The following MPP4 variants were observed in gnomAD, a reference collection of about 807,000 sequenced individuals.
MPP4 encodes MAGUK p55 subfamily member 4.
A neutral mutation model predicts 98.3 loss-of-function variants in MPP4; 91 were observed. That is an observed-to-expected ratio of 0.93 (90% CI 0.78 to 1.10). The LOEUF is 1.10. Ranked by LOEUF, MPP4 falls within the 50% of genes least tolerant of loss-of-function variation. The pLI, the probability that MPP4 is intolerant of heterozygous loss-of-function variation, is 0.00. For missense variants in MPP4, 744 were observed against 792.9 expected, an observed-to-expected ratio of 0.94 and a Z score of 0.74; for synonymous variants, 261 against 271.8, an observed-to-expected ratio of 0.96 and a Z score of 0.39.
chr2:201,650,315 T>C, intron 18 of MPP4, 150 bp from the exon 19 acceptor site: 1 of 1,409,400 alleles, frequency 7.1e-7, no homozygotes, highest in East Asian at 2.7e-5. Flanking sequence ...AAGCCTGAAT[T>C]GGTGATAAGT....
In MPP4 at chr2:201,649,801, G is replaced by A. The variant is rs1423540780; in HGVS notation, c.1476-117C>T. The A allele has an allele frequency of 2.7e-5, 20 of 732,758 alleles. No homozygotes were observed. The East Asian group carries it at 5.4e-4, about 20-fold the overall frequency. 45.4% of individuals were successfully genotyped at this position (732,758 alleles called of 1,614,324 possible). A position where few individuals can be genotyped will look rare whatever the true frequency, so the allele number is the denominator to read the frequency against. ...TAAATATGTGGACTTTATTAACACA[G>A]AAAGAATGAATAGATATTCAAGAGG... is the stretch of plus-strand genomic sequence containing the variant. On this transcript the variant is annotated intron_variant, in intron 19 of 21. Coordinates refer to ENST00000409474, the MANE Select transcript of MPP4 (RefSeq NM_033066.3).
chr2:201,679,893 T>G (rs1688619830), intron 10 of MPP4, among the ~76,000 whole-genome samples: 2 of 152,210 alleles, frequency 1.3e-5, no homozygotes, highest in Non-Finnish European at 2.9e-5. Flanking sequence ...ACTTCTCCAC[T>G]GAAATTGCTC....
chr2:201,650,814 T>G (rs1687694629), intron 18 of MPP4: 1 of 985,290 alleles, frequency 1.0e-6, no homozygotes, highest in Non-Finnish European at 1.2e-6. Flanking sequence ...TTTAGGGATC[T>G]CTAGGAGGGA....
At chr2:201,695,256 A>G (rs1391474410) in intron 1 of MPP4, among the ~76,000 whole-genome samples, 3 of 152,170 alleles carry the variant, frequency 2.0e-5, no homozygotes, top group Admixed American at 2.0e-4. Flanking sequence ...ATTTCGGCCA[A>G]CAGGGTAGGG....
At chr2:201,653,652 T>C (rs1687779389) in intron 18 of MPP4, among the ~76,000 whole-genome samples, 1 of 152,222 alleles carries the variant, frequency 6.6e-6, no homozygotes, top group African/African-American at 2.4e-5. Context: ...TTCTATTTTG[T>C]TGAAATCAGG....
rs1688646757 is a variant in MPP4 at position 201,680,921 on chromosome 2, A to G, written c.846T>C (p.Asn282=). 6.2e-7 allele frequency: 1 copy of G among 1,613,748 alleles called. No individual in the cohort carries two copies. Among genetic ancestry groups the G allele is most frequent in the African/African-American group, 1.3e-5 (1 of 74,916 alleles). ...TTCGGGCCTGCCACCAGAGGGCATC[A>G]TTCTGGTCCACAATCTGGAGGATGT... The part of the protein sequence containing the change: ...KGDILQIVDQ[N]DALWWQARKI... Residue 282 remains asparagine, a synonymous_variant, in exon 10 of 22, where the codon AAT becomes AAC. Transcript: ENST00000409474.
At position 201,650,084 on chromosome 2, in the gene MPP4, A is replaced by G. The variant is rs763924815; in HGVS notation, c.1463T>C (p.Ile488Thr). The G allele has an allele frequency of 1.3e-6, 2 of 1,572,684 alleles. No homozygotes were observed. Among genetic ancestry groups the G allele is most frequent in the South Asian group, 1.2e-5 (1 of 85,236 alleles). The change falls in exon 19 of 22, where the codon ATA (isoleucine) becomes ACA (threonine). Residue 488 changes from isoleucine (I) to threonine (T), a missense_variant. Ile to Thr is a moderately conservative substitution (Grantham distance 89). Transcript: ENST00000409474. ...YVSKETFENL[I>T]YSHRMLEYGE... is the part of the protein sequence containing the mutation. ...ACCTCTACTTTACCTGTGACTATAT[A>G]TGAGGTTTTCAAATGTTTCCTTGGA...
rs113238787 is a variant in MPP4, at chr2:201,668,449, T to TTTCTCTTCTCTTCTCTTCTC, written c.1012+1264_1012+1283dup. Among the ~76,000 whole-genome samples, 66 of 149,868 alleles carry TTTCTCTTCTCTTCTCTTCTC rather than the reference T, an allele frequency of 4.4e-4. 1 individual carries two copies. Among genetic ancestry groups the TTTCTCTTCTCTTCTCTTCTC allele is most frequent in the African/African-American group, 1.5e-3 (61 of 39,798 alleles). On this transcript the variant is annotated intron_variant, in intron 12 of 21. Transcript: ENST00000409474. ...CATCAGATCAATCGATCTCTCTCTC[T>TTTCTCTTCTCTTCTCTTCTC]TTCTCTTCTCTTCTCTTCTCTTCTC...
chr2:201,649,472 G>T, intron 20 of MPP4, 104 bp downstream of exon 20: 1 of 789,638 alleles, frequency 1.3e-6, no homozygotes, highest in East Asian at 2.7e-5. Flanking sequence ...ATTCTTAAAA[G>T]GCTAACAGAA....
In MPP4 at chr2:201,676,892, C is replaced by G. The variant is rs909179468; in HGVS notation, c.930-1621G>C. On this transcript the variant is annotated intron_variant, in intron 10 of 21. Transcript: ENST00000409474. The stretch of plus-strand genomic sequence containing the variant: ...TCCAGCCTGGTGACAGAGCAAGACT[C>G]CATCTCAAAAAATAAAAACATTTAA... 2.0e-5 allele frequency among the ~76,000 whole-genome samples: 3 copies of G among 152,166 alleles called. No homozygotes were observed. The East Asian group carries it at 5.8e-4, about 29-fold the overall frequency.
At chr2:201,650,303 A>G in intron 18 of MPP4, 138 bp from the exon 19 acceptor site, 1 of 1,415,054 alleles carries the variant, frequency 7.1e-7, no homozygotes, top group Non-Finnish European at 9.2e-7. Flanking sequence ...ACTAAAAAGA[A>G]GAAGCCTGAA....
intron 7 of MPP4, 33 bp from the exon 8 acceptor site, chr2:201,682,949 T>C (rs1046932958): frequency 1.9e-6 from 3 of 1,560,718 alleles, no homozygotes; most frequent in South Asian, 2.2e-5. Context: ...CAAAGAAAGA[T>C]ACAAAGAAGT....
intron 6 of MPP4, among the ~76,000 whole-genome samples, chr2:201,685,513 C>T (rs564280975): frequency 6.6e-6 from 1 of 152,188 alleles, no homozygotes; most frequent in South Asian, 2.1e-4. Flanking sequence ...CAATTAAAAC[C>T]TAATTAGAGG....
At chr2:201,681,915 C>T (rs551046799) in intron 8 of MPP4, among the ~76,000 whole-genome samples, 2 of 152,132 alleles carry the variant, frequency 1.3e-5, no homozygotes, top group East Asian at 3.9e-4. Context: ...TCTGACTTTC[C>T]CTCCTTATTC....
At chr2:201,675,839 C>A (rs1167594817) in intron 10 of MPP4, among the ~76,000 whole-genome samples, 1 of 152,244 alleles carries the variant, frequency 6.6e-6, no homozygotes, top group African/African-American at 2.4e-5. Context: ...TACTTCAAAG[C>A]AACTTTCTAA....
Position 201,645,330 on chromosome 2 carries a change from C to T in MPP4, c.1794G>A (p.Val598=). The change falls in exon 22 of 22, where the codon GTG becomes GTA. Residue 598 remains valine, a synonymous_variant. Transcript: ENST00000409474. ...CATCGTGCAAGCTGTCATTCACAAT[C>T]ACATGATCAAAAAATTGGCCAAACT... The part of the protein sequence containing the change: ...ETQFGQFFDH[V]IVNDSLHDAC... The T allele has an allele frequency of 6.2e-7, 1 of 1,613,982 alleles. No individual in the cohort carries two copies. Among genetic ancestry groups the T allele is most frequent in the Non-Finnish European group, 8.5e-7 (1 of 1,179,880 alleles).
rs1245466363 is a variant in MPP4, at chr2:201,682,902, C to T, written c.589G>A (p.Gly197Arg). ...LAERSGLLYA[G>R]DKLVEVNGVS... ...CCATTCACTTCTACCAGTTTGTCTCCAGCATATAGCAACCCTAGGCAGACA... is the reference window on the plus strand; with the variant it reads ...CCATTCACTTCTACCAGTTTGTCTCTAGCATATAGCAACCCTAGGCAGACA... The change falls in exon 8 of 22, where the codon GGA becomes AGA. Residue 197 changes from glycine (G) to arginine (R), a missense_variant. Transcript: ENST00000409474. The T allele has an allele frequency of 1.2e-6, 2 of 1,613,796 alleles. No individual in the cohort carries two copies. Among genetic ancestry groups the T allele is most frequent in the Admixed American group, 3.3e-5 (2 of 60,004 alleles).
At chr2:201,686,159 T>C (rs555027910) in intron 5 of MPP4, 109 bp from the exon 6 acceptor site, 3 of 1,313,756 alleles carry the variant, frequency 2.3e-6, no homozygotes, top group Non-Finnish European at 1.0e-6. Flanking sequence ...CAAACACCAA[T>C]ACAGACATGC....
chr2:201,662,234 T>G (rs1688048543), intron 14 of MPP4: 1 of 163,540 alleles, frequency 6.1e-6, no homozygotes, highest in African/African-American at 2.4e-5. Flanking sequence ...AATTTATATT[T>G]TAAAATATAT....
Sources: allele counts gnomAD v4.1 joint callset (sites outside exome capture counted in the v4.1 genomes callset), GRCh38; gene constraint gnomAD v4.1.1; transcripts MANE v1.5; gene names NCBI Gene and HGNC (gene_info 2026-07-23, HGNC 2026-07-21).